ARHGAP21: variants seen among roughly 807,000 people sequenced by gnomAD.
ARHGAP21 encodes rho GTPase-activating protein 21.
ARHGAP21 carries 38 observed loss-of-function variants against 164.6 expected under a neutral mutation model. That is an observed-to-expected ratio of 0.23 (90% CI 0.18 to 0.30). ARHGAP21 has a LOEUF of 0.30. ARHGAP21 is among the 10% of genes least tolerant of loss of function. ARHGAP21 has a pLI of 1.00. For synonymous variants in ARHGAP21, 766 were observed against 857.9 expected (o/e 0.89, Z 1.87); for missense variants, 1,822 against 2,370.7 (o/e 0.77, Z 4.81).
At chr10:24,636,540 T>C (rs1286304362) in intron 4 of ARHGAP21, among the ~76,000 whole-genome samples, 2 of 152,312 alleles carry the variant, frequency 1.3e-5, no homozygotes, top group African/African-American at 2.4e-5. Flanking sequence ...TAAACAGCAA[T>C]ACTGGGCAAA....
intron 24 of ARHGAP21, chr10:24,590,929 A>G (rs1167198840): frequency 6.3e-5 from 60 of 956,042 alleles, no homozygotes; most frequent in Non-Finnish European, 7.1e-5. Flanking sequence ...TATTACATGG[A>G]AACTGTGAAT....
At chr10:24,593,919 G>A (rs919497515) in intron 21 of ARHGAP21, among the ~76,000 whole-genome samples, 1 of 151,398 alleles carries the variant, frequency 6.6e-6, no homozygotes, top group East Asian at 1.9e-4. Flanking sequence ...CAATCACTAT[G>A]GAGGAAATTG....
intron 9 of ARHGAP21, among the ~76,000 whole-genome samples, chr10:24,617,422 A>T (rs1834062998): frequency 6.6e-6 from 1 of 152,116 alleles, no homozygotes; most frequent in Non-Finnish European, 1.5e-5. Flanking sequence ...ACATTTTAAA[A>T]CTTCATAAAA....
chr10:24,607,998 G>T, intron 9 of ARHGAP21, 95 bp from the exon 10 acceptor site: 2 of 1,188,132 alleles, frequency 1.7e-6, no homozygotes, highest in Non-Finnish European at 2.3e-6. Context: ...GTCAGATAAG[G>T]ATTTTAACAC....
chr10:24,720,632 G>A (rs1286029865), intron 2 of ARHGAP21, among the ~76,000 whole-genome samples: 1 of 152,180 alleles, frequency 6.6e-6, no homozygotes, highest in Non-Finnish European at 1.5e-5. Flanking sequence ...TCGACATGAA[G>A]TAAGCTGCAT....
At chr10:24,672,084 C>T (rs1840762594) in intron 2 of ARHGAP21, among the ~76,000 whole-genome samples, 1 of 151,868 alleles carries the variant, frequency 6.6e-6, no homozygotes, top group Non-Finnish European at 1.5e-5. Context: ...TGTTTGTCTG[C>T]TTCTCTTTGG....
chr10:24,672,061 C>T (rs1325206749), intron 2 of ARHGAP21, among the ~76,000 whole-genome samples: 1 of 151,750 alleles, frequency 6.6e-6, no homozygotes, highest in Non-Finnish European at 1.5e-5. Context: ...ACAACCCTCT[C>T]CAGCTACCAC....
intron 4 of ARHGAP21, among the ~76,000 whole-genome samples, chr10:24,656,600 C>T (rs1838990962): frequency 2.1e-5 from 2 of 96,728 alleles, no homozygotes; most frequent in African/African-American, 4.4e-5. Context: ...CCAGCCGCCC[C>T]GTCTGGGAGG....
At chr10:24,721,625 A>G (rs1845947671) in intron 2 of ARHGAP21, among the ~76,000 whole-genome samples, 1 of 152,206 alleles carries the variant, frequency 6.6e-6, no homozygotes, top group Non-Finnish European at 1.5e-5. Flanking sequence ...AAACTGCGGG[A>G]CATGTTCTTG....
intron 4 of ARHGAP21, among the ~76,000 whole-genome samples, chr10:24,663,997 T>TATCATCCC (rs1839946520): frequency 6.6e-6 from 1 of 152,176 alleles, no homozygotes; most frequent in Non-Finnish European, 1.5e-5. Context: ...CATCCCCAGC[T>TATCATCCC]GAGAAGCGCT....
chr10:24,647,439 T>A (rs188077346), intron 4 of ARHGAP21, among the ~76,000 whole-genome samples: 2 of 152,158 alleles, frequency 1.3e-5, no homozygotes, highest in Non-Finnish European at 2.9e-5. Flanking sequence ...ATCAAAAGAG[T>A]GTCACTGGCA....
intron 2 of ARHGAP21, among the ~76,000 whole-genome samples, chr10:24,683,601 C>T (rs1841968808): frequency 6.6e-6 from 1 of 152,118 alleles, no homozygotes; most frequent in Admixed American, 6.5e-5. Flanking sequence ...AAGCAATCCT[C>T]CCACCTCAGC....
At chr10:24,598,047 CATAA>C (rs2076658622) in intron 14 of ARHGAP21, 38 bp from the exon 15 acceptor site, 6 of 1,525,370 alleles carry the variant, frequency 3.9e-6, no homozygotes, top group Middle Eastern at 3.5e-4. Context: ...CAATTCTAAA[CATAA>C]ATAAGTGATC....
chr10:24,600,532 T>C, intron 14 of ARHGAP21, 114 bp downstream of exon 14: 1 of 1,306,314 alleles, frequency 7.7e-7, no homozygotes, highest in Non-Finnish European at 1.0e-6. Context: ...CTGTTTTACA[T>C]GAAAATAGCA....
intron 4 of ARHGAP21, among the ~76,000 whole-genome samples, chr10:24,641,195 T>C (rs745831817): frequency 6.6e-6 from 1 of 152,222 alleles, no homozygotes; most frequent in Non-Finnish European, 1.5e-5. Flanking sequence ...ATGTCCAACA[T>C]TAAAAATCCA....
chr10:24,705,251 T>C (rs1177274337), intron 2 of ARHGAP21, among the ~76,000 whole-genome samples: 1 of 152,236 alleles, frequency 6.6e-6, no homozygotes, highest in Admixed American at 6.5e-5. Flanking sequence ...TTATGAATTT[T>C]ACATGTTAAG....
intron 4 of ARHGAP21, among the ~76,000 whole-genome samples, chr10:24,660,699 A>G (rs1276145371): frequency 2.0e-5 from 3 of 152,198 alleles, no homozygotes; most frequent in African/African-American, 7.2e-5. Flanking sequence ...TTTTTGCACC[A>G]AAGAATGAAA....
chr10:24,689,946 A>G (rs529441509), intron 2 of ARHGAP21, among the ~76,000 whole-genome samples: 11 of 76,568 alleles, frequency 1.4e-4, no homozygotes, highest in East Asian at 6.8e-4. Flanking sequence ...ATATATGTAT[A>G]TGTGTGTGTG....
At position 24,620,768 on chromosome 10, in the gene ARHGAP21, T is replaced by C; in HGVS notation, c.1127A>G (p.Tyr376Cys). The part of the protein sequence containing the change: ...VEAPSVSVNH[Y>C]SPNSHQHIDW... ...TATGTGCTGATGGGAATTTGGCGAATAGTGATTAACAGATACAGAGGGAGC... is the reference window on the plus strand; with the variant it reads ...TATGTGCTGATGGGAATTTGGCGAACAGTGATTAACAGATACAGAGGGAGC... Residue 376 changes from tyrosine (Y) to cysteine (C), a missense_variant, in exon 9 of 26, where the codon TAT becomes TGT. Around this residue, in one of 5 missense-constraint regions of ARHGAP21, gnomAD observed 1,090 missense variants for 1,378.9 expected, o/e 0.79. Transcript: ENST00000396432. 5.6e-6 allele frequency: 9 copies of C among 1,614,196 alleles called. No individual in the cohort carries two copies. The highest frequency in any genetic ancestry group is 5.1e-6 in the Non-Finnish European group (6 of 1,180,046).
Sources: gnomAD v4.1 joint callset for allele counts (sites outside exome capture counted in the v4.1 genomes callset) on GRCh38, gnomAD v4.1.1 for gene constraint, gnomAD v4.1.1 regional missense constraint, MANE v1.5 for transcripts, NCBI Gene and HGNC (gene_info 2026-07-23, HGNC 2026-07-21) for gene names.